The following FHOD3 variants were observed in gnomAD, a reference collection of about 807,000 sequenced individuals.
FHOD3 encodes the protein FH1/FH2 domain-containing protein 3.
A neutral mutation model predicts 173.0 loss-of-function variants in FHOD3; 90 were observed. The ratio of observed to expected loss-of-function variants is 0.52; its 90% CI spans 0.44 to 0.62. FHOD3 has a LOEUF of 0.62. Ranked by LOEUF, FHOD3 falls within the 20% of genes least tolerant of loss-of-function variation. The pLI is 0.00. For missense variants in FHOD3, 1,945 were observed against 2,034.7 expected, an observed-to-expected ratio of 0.96 and a Z score of 0.85; for synonymous variants, 828 against 823.0, an observed-to-expected ratio of 1.01 and a Z score of -0.10.
At chr18:36,594,587 C>T (rs2029985281) in intron 6 of FHOD3, among the ~76,000 whole-genome samples, 200 bp from the exon 7 acceptor site, 1 of 152,134 alleles carries the variant, frequency 6.6e-6, no homozygotes, top group Admixed American at 6.5e-5. Context: ...TCAGTTTCCT[C>T]ATCTGCACAA....
At chr18:36,465,688 G>A (rs1386777918) in intron 3 of FHOD3, among the ~76,000 whole-genome samples, 3 of 152,058 alleles carry the variant, frequency 2.0e-5, no homozygotes, top group African/African-American at 7.2e-5. Flanking sequence ...ATCCTAAGTA[G>A]GTTTTCTTTC....
At chr18:36,689,869 G>T (rs2038853087) in intron 16 of FHOD3, among the ~76,000 whole-genome samples, 1 of 152,198 alleles carries the variant, frequency 6.6e-6, no homozygotes, top group African/African-American at 2.4e-5. Context: ...GAAGCAGTAA[G>T]AAAGGGTTCT....
intron 5 of FHOD3, among the ~76,000 whole-genome samples, chr18:36,523,984 A>G (rs941193171): frequency 1.3e-5 from 2 of 152,170 alleles, no homozygotes; most frequent in African/African-American, 4.8e-5. Context: ...TTTAGTCATT[A>G]AGAGGCTTGT....
intron 3 of FHOD3, among the ~76,000 whole-genome samples, chr18:36,467,661 A>G (rs1032793247): frequency 2.0e-5 from 3 of 152,152 alleles, no homozygotes; most frequent in African/African-American, 7.2e-5. Flanking sequence ...TTGTTTATAA[A>G]ACCAAGAAAA....
At chr18:36,451,334 C>A (rs530533536) in intron 3 of FHOD3, among the ~76,000 whole-genome samples, 2 of 152,212 alleles carry the variant, frequency 1.3e-5, no homozygotes, top group African/African-American at 4.8e-5. Flanking sequence ...AGTTGACCCA[C>A]TCCTGTGTTG....
At chr18:36,608,226 TACTC>T (rs936048736) in intron 8 of FHOD3, among the ~76,000 whole-genome samples, 1 of 152,258 alleles carries the variant, frequency 6.6e-6, no homozygotes, top group African/African-American at 2.4e-5. Flanking sequence ...ATAAATTTAT[TACTC>T]ACAGTTCTTG....
intron 1 of FHOD3, among the ~76,000 whole-genome samples, chr18:36,321,606 C>T (rs563642293): frequency 2.8e-4 from 43 of 152,248 alleles, no homozygotes; most frequent in African/African-American, 1.0e-3. Flanking sequence ...TGAGTACCCA[C>T]CAAATGCCAG....
At chr18:36,594,643 T>G in intron 6 of FHOD3, 144 bp from the exon 7 acceptor site, 1 of 607,742 alleles carries the variant, frequency 1.6e-6, no homozygotes, top group Non-Finnish European at 3.0e-6. Flanking sequence ...TAATGAGGGA[T>G]TGTGAGGATC....
At chr18:36,746,358 G>T (rs2042156818) in intron 23 of FHOD3, among the ~76,000 whole-genome samples, 1 of 152,184 alleles carries the variant, frequency 6.6e-6, no homozygotes, top group East Asian at 1.9e-4. Flanking sequence ...GTCTTATTCA[G>T]CATTTGTGTT....
chr18:36,459,630 T>A (rs2052432972), intron 3 of FHOD3, among the ~76,000 whole-genome samples: 1 of 152,192 alleles, frequency 6.6e-6, no homozygotes, highest in African/African-American at 2.4e-5. Flanking sequence ...ATGGTCGTGG[T>A]ATTAGATGAT....
chr18:36,373,488 C>T (rs1042698027), intron 3 of FHOD3, among the ~76,000 whole-genome samples: 2 of 152,186 alleles, frequency 1.3e-5, no homozygotes, highest in African/African-American at 2.4e-5. Context: ...TATTTCTGGT[C>T]CTTCCTTCAC....
In FHOD3 at chr18:36,769,359, C is replaced by T. The variant is rs773688311; in HGVS notation, c.4719C>T (p.Ala1573=). The T allele has an allele frequency of 8.7e-6, 14 of 1,614,182 alleles. No homozygotes were observed. In the South Asian group the frequency reaches 1.5e-4, roughly 18 times the overall value. The change falls in exon 28 of 29, where the codon GCC becomes GCT. Residue 1573 remains alanine, a synonymous_variant. Transcript: ENST00000590592. ...TCATGGACCGCATCGTCAAGTCAGC[C>T]ACCCAAGTGCCCAGTCAGCGAGTGG... The part of the protein sequence containing the change: ...DEIMDRIVKS[A]TQVPSQRVVP...
intron 6 of FHOD3, among the ~76,000 whole-genome samples, chr18:36,577,673 C>G (rs1055822971): frequency 2.4e-4 from 37 of 152,138 alleles, no homozygotes; most frequent in African/African-American, 8.9e-4. Context: ...AATATAATTC[C>G]CATTTGGTAG....
At chr18:36,659,614 C>T (rs921653394) in intron 14 of FHOD3, among the ~76,000 whole-genome samples, 1 of 152,190 alleles carries the variant, frequency 6.6e-6, no homozygotes, top group African/African-American at 2.4e-5. Flanking sequence ...TTGGTGTGTT[C>T]CCTACAGTGC....
At chr18:36,474,532 C>A (rs554379616) in intron 3 of FHOD3, among the ~76,000 whole-genome samples, 2 of 152,260 alleles carry the variant, frequency 1.3e-5, no homozygotes, top group Admixed American at 6.5e-5. Context: ...TGTTTCCCTG[C>A]AGCTGGAGGC....
rs539028718 is a variant in FHOD3 at position 36,701,334 on chromosome 18, C to A, written c.2237-7761C>A. Among the ~76,000 whole-genome samples the A allele has an allele frequency of 3.9e-5, 6 of 152,232 alleles. No individual in the cohort carries two copies. The South Asian group carries it at 1.0e-3, about 26-fold the overall frequency. On this transcript the variant is annotated intron_variant, in intron 17 of 28. Coordinates refer to ENST00000590592, the MANE Select transcript of FHOD3 (RefSeq NM_001281740.3). ...TTTACAGAGAGTTGACATATCTGGG[C>A]CATTTCTTTCTGAGGATCTGACTCT...
intron 3 of FHOD3, among the ~76,000 whole-genome samples, chr18:36,474,658 A>T (rs2053458586): frequency 6.6e-6 from 1 of 152,114 alleles, no homozygotes; most frequent in Non-Finnish European, 1.5e-5. Context: ...CAAGCCTTGG[A>T]AACCCCACGG....
chr18:36,473,565 T>C (rs1363641514), intron 3 of FHOD3, among the ~76,000 whole-genome samples: 1 of 152,208 alleles, frequency 6.6e-6, no homozygotes, highest in Admixed American at 6.5e-5. Flanking sequence ...TGATTCCCAA[T>C]TTCAAGTTGA....
chr18:36,546,336 T>A (rs2057409461), intron 5 of FHOD3, among the ~76,000 whole-genome samples: 1 of 152,232 alleles, frequency 6.6e-6, no homozygotes, highest in Non-Finnish European at 1.5e-5. Context: ...TAGTTCCTTT[T>A]TTTTGTCGCA....
Sources: allele counts gnomAD v4.1 joint callset (sites outside exome capture counted in the v4.1 genomes callset), GRCh38; gene constraint gnomAD v4.1.1; transcripts MANE v1.5; gene names NCBI Gene and HGNC (gene_info 2026-07-23, HGNC 2026-07-21).